The following DPP10 variants were observed in gnomAD, a reference collection of about 807,000 sequenced individuals.
DPP10 encodes the protein inactive dipeptidyl peptidase 10.
Under a neutral mutation model 120.9 loss-of-function variants are expected in DPP10, and 33 were observed. The observed-to-expected ratio is 0.27, with a 90% CI of 0.21 to 0.37. DPP10 has a LOEUF of 0.37. Among genes scored for constraint, DPP10 ranks in the 10% least tolerant of loss-of-function variants. The pLI is 1.00. For missense variants in DPP10, 816 were observed against 942.8 expected (o/e 0.87, Z 1.76); for synonymous variants, 337 against 326.1 (o/e 1.03, Z -0.36).
At chr2:114,888,610 G>T (rs1692281901) in intron 1 of DPP10, among the ~76,000 whole-genome samples, 1 of 152,174 alleles carries the variant, frequency 6.6e-6, no homozygotes, top group African/African-American at 2.4e-5. Context: ...GAGAATGATT[G>T]AAGTTTGGGT....
At chr2:115,810,274 A>C (rs1686491552) in intron 19 of DPP10, among the ~76,000 whole-genome samples, 1 of 152,126 alleles carries the variant, frequency 6.6e-6, no homozygotes, top group South Asian at 2.1e-4. Context: ...TTAATTCCTC[A>C]AGGTACCTCA....
chr2:114,973,653 C>G, intron 1 of DPP10, among the ~76,000 whole-genome samples: 1 of 54,744 alleles, frequency 1.8e-5, no homozygotes, highest in Admixed American at 2.8e-4. Context: ...CGGAGTGAGA[C>G]TCCGTCTCAA....
intron 1 of DPP10, among the ~76,000 whole-genome samples, chr2:114,872,184 T>C (rs1363674035): frequency 6.6e-6 from 1 of 152,124 alleles, no homozygotes; most frequent in Non-Finnish European, 1.5e-5. Flanking sequence ...GACTCACAGT[T>C]TCACATGGCT....
In DPP10 at chr2:114,664,587, G is replaced by A. The variant is rs377656981; in HGVS notation, c.60+221749G>A. ...GAGGTTGCAGTGAGCCGAGATTGTG[G>A]CACTACACTCCAACCTGGGTGACAG... On this transcript the variant is annotated intron_variant, in intron 1 of 25. Coordinates refer to ENST00000410059, the MANE Select transcript of DPP10 (RefSeq NM_020868.6). Among the ~76,000 whole-genome samples the A allele has an allele frequency of 2.1e-5, 3 of 143,644 alleles. No individual in the cohort carries two copies. In the East Asian group the frequency reaches 6.2e-4, roughly 30 times the overall value. The allele number at this position is 143,644 out of a possible 152,430, so 94.2% of individuals were successfully genotyped here. A position where few individuals can be genotyped will look rare whatever the true frequency, so the allele number is the denominator to read the frequency against.
intron 1 of DPP10, among the ~76,000 whole-genome samples, chr2:114,489,700 G>T (rs1171164482): frequency 6.6e-6 from 1 of 152,280 alleles, no homozygotes; most frequent in African/African-American, 2.4e-5. Context: ...AGCATATGAA[G>T]TTGGTAGGAC....
At chr2:114,738,539 G>A (rs2105974862) in intron 1 of DPP10, among the ~76,000 whole-genome samples, 1 of 152,062 alleles carries the variant, frequency 6.6e-6, no homozygotes, top group South Asian at 2.1e-4. Flanking sequence ...GCACTAGCCT[G>A]TGTGGGGAGC....
At position 115,384,478 on chromosome 2, in the gene DPP10, GGAA is replaced by G. The variant is rs1329782373; in HGVS notation, c.271+40581_271+40583del. Among the ~76,000 whole-genome samples the G allele has an allele frequency of 3.1e-4, 38 of 122,514 alleles. No individual in the cohort carries two copies. In the Middle Eastern group the frequency reaches 0.014, roughly 45 times the overall value. 80.4% of individuals were successfully genotyped at this position (122,514 alleles called of 152,430 possible). The stretch of plus-strand genomic sequence containing the variant: ...AAGAAGGAAGAAGAAGGAAGAAGAA[GGAA>G]GAAGAAGAAGAAGAGGAAAAGAAGA... On this transcript the variant is annotated intron_variant, in intron 3 of 25. Transcript: ENST00000410059.
intron 1 of DPP10, among the ~76,000 whole-genome samples, chr2:114,902,686 G>C (rs902809487): frequency 2.0e-5 from 3 of 152,126 alleles, no homozygotes; most frequent in African/African-American, 7.2e-5. Context: ...AATTAAGAAA[G>C]TACAGAGACT....
chr2:115,189,088 ATAAAT>A (rs770494499), intron 1 of DPP10, among the ~76,000 whole-genome samples: 2 of 152,234 alleles, frequency 1.3e-5, no homozygotes, highest in Admixed American at 6.5e-5. Flanking sequence ...GCACTCGAAC[ATAAAT>A]TTAATTTTCT....
At chr2:115,664,770 A>G (rs2089307678) in intron 5 of DPP10, among the ~76,000 whole-genome samples, 2 of 152,208 alleles carry the variant, frequency 1.3e-5, no homozygotes, top group Non-Finnish European at 1.5e-5. Context: ...TTTTCAGAGC[A>G]GTGCATTAGG....
At chr2:115,279,387 G>A (rs1422619674) in intron 1 of DPP10, among the ~76,000 whole-genome samples, 1 of 152,082 alleles carries the variant, frequency 6.6e-6, no homozygotes. Flanking sequence ...AAGAGAGTTT[G>A]GCTTAAAATG....
intron 19 of DPP10, among the ~76,000 whole-genome samples, chr2:115,803,836 C>G (rs963677616): frequency 6.6e-6 from 1 of 152,070 alleles, no homozygotes. Flanking sequence ...GTGGGTAACC[C>G]GACCTTTCTC....
At chr2:114,594,516 CAT>C (rs534060769) in intron 1 of DPP10, among the ~76,000 whole-genome samples, 26 of 147,176 alleles carry the variant, frequency 1.8e-4, no homozygotes, top group South Asian at 6.3e-4. Flanking sequence ...TATACACACA[CAT>C]ATATGTGTAA....
intron 1 of DPP10, among the ~76,000 whole-genome samples, chr2:115,195,307 A>G (rs1431001150): frequency 6.6e-6 from 1 of 152,184 alleles, no homozygotes; most frequent in African/African-American, 2.4e-5. Flanking sequence ...ATGTTTAAGC[A>G]TGATAATATA....
intron 1 of DPP10, among the ~76,000 whole-genome samples, chr2:114,825,556 G>A (rs947176439): frequency 4.6e-5 from 7 of 152,200 alleles, no homozygotes; most frequent in African/African-American, 1.2e-4. Context: ...CTTCTCTCCC[G>A]AAGAATTACT....
intron 3 of DPP10, among the ~76,000 whole-genome samples, chr2:115,427,023 G>T (rs1173148257): frequency 1.3e-5 from 2 of 152,190 alleles, no homozygotes; most frequent in Non-Finnish European, 2.9e-5. Context: ...GGGGCTGCAG[G>T]CCCCATGCAA....
chr2:115,289,503 A>AAAAAAAAAAAAAAAAAT (rs70941042), intron 1 of DPP10, among the ~76,000 whole-genome samples: 2 of 96,266 alleles, frequency 2.1e-5, no homozygotes, highest in East Asian at 4.0e-4. Context: ...AAAAAAAAAA[A>AAAAAAAAAAAAAAAAAT]AGGAAGAAAA....
intron 1 of DPP10, among the ~76,000 whole-genome samples, chr2:114,750,997 G>A (rs1679165236): frequency 6.6e-6 from 1 of 152,168 alleles, no homozygotes; most frequent in Non-Finnish European, 1.5e-5. Flanking sequence ...CGGGTATACA[G>A]AGCTGCATCT....
chr2:114,591,382 A>G (rs958933487), intron 1 of DPP10, among the ~76,000 whole-genome samples: 77 of 152,276 alleles, frequency 5.1e-4, no homozygotes, highest in African/African-American at 1.4e-3. Flanking sequence ...TGGTCCATCA[A>G]CGCTGATGTT....
Sources: gnomAD v4.1 joint callset for allele counts (sites outside exome capture counted in the v4.1 genomes callset) on GRCh38, gnomAD v4.1.1 for gene constraint, MANE v1.5 for transcripts, NCBI Gene and HGNC (gene_info 2026-07-23, HGNC 2026-07-21) for gene names.